OPRM1: variants seen among roughly 807,000 people sequenced by gnomAD.
The protein encoded by OPRM1 is opioid receptor mu 1.
In OPRM1, 27 loss-of-function variants were observed where a neutral mutation model predicts 31.8. The observed-to-expected ratio is 0.85, with a 90% CI of 0.63 to 1.17. The LOEUF is 1.17. Ranked by LOEUF, OPRM1 falls within the 50% of genes most tolerant of loss-of-function variation. The pLI, the probability that OPRM1 is intolerant of heterozygous loss-of-function variation, is 0.00. For synonymous variants in OPRM1, 196 were observed against 189.9 expected, an observed-to-expected ratio of 1.03 and a Z score of -0.26; for missense variants, 536 against 511.1, an observed-to-expected ratio of 1.05 and a Z score of -0.47.
chr6:154,204,572 C>T (rs1185111471), intron 3 of OPRM1, among the ~76,000 whole-genome samples: 1 of 152,162 alleles, frequency 6.6e-6, no homozygotes, highest in Non-Finnish European at 1.5e-5. Context: ...TAGTACACTC[C>T]TTCTCTGTCA....
chr6:154,110,318 G>C (rs1275866760), intron 3 of OPRM1: 3 of 1,016,588 alleles, frequency 3.0e-6, no homozygotes, highest in African/African-American at 1.6e-5. Context: ...ATTATAATTG[G>C]TACATTGTTC....
downstream of OPRM1, among the ~76,000 whole-genome samples, chr6:154,135,973 G>A (rs1583645480): frequency 6.6e-6 from 1 of 152,132 alleles, no homozygotes; most frequent in South Asian, 2.1e-4. Flanking sequence ...AACTTTGCTG[G>A]GCTTTACCTG....
rs1797872007 is a variant in OPRM1 at position 154,131,105 on chromosome 6, A to G, written c.*12384A>G. Among the ~76,000 whole-genome samples, 1 of 152,194 alleles carries G rather than the reference A, an allele frequency of 6.6e-6. No homozygotes were observed. Among genetic ancestry groups the G allele is most frequent in the South Asian group, 2.1e-4 (1 of 4,834 alleles). On this transcript the variant is annotated 3_prime_UTR_variant, in exon 4 of 4. Coordinates refer to ENST00000330432, the MANE Select transcript of OPRM1 (RefSeq NM_000914.5). ...ATTACATTTTTTTATAACATTAATG[A>G]CACATTTTTTGCTATCCAAATATAA...
Position 154,159,000 on chromosome 6 carries a change from C to T in OPRM1, c.1164+67528C>T, listed in dbSNP as rs192061298. The T allele has an allele frequency of 3.9e-5, 6 of 152,202 alleles. No individual in the cohort carries two copies. In the East Asian group the frequency reaches 1.2e-3, roughly 29 times the overall value. The allele number at this position is 152,202 out of a possible 1,614,324, so 9.4% of individuals were successfully genotyped here. A position where few individuals can be genotyped will look rare whatever the true frequency, so the allele number is the denominator to read the frequency against. ...ATCCTGGGAAACCTGGATATAAATT[C>T]ACACTATGTATAGGGATCACAGCCA... On this transcript the variant is annotated intron_variant, in intron 3 of 3. Coordinates refer to the OPRM1 transcript ENST00000337049.
rs916940292 is a variant in OPRM1 at position 154,168,605 on chromosome 6, TTTA to T, written c.1164+77142_1164+77144del. ...GAATTTTATTAATTAATTAATTAAT[TTTA>T]TTATTATTTTTTTTGAGACGGAGTT... On this transcript the variant is annotated intron_variant, in intron 3 of 3. Coordinates refer to the OPRM1 transcript ENST00000337049. The surrounding 1 kb of genome is among the most constrained non-coding windows in gnomAD (Gnocchi z 4.1). Among the ~76,000 whole-genome samples the T allele has an allele frequency of 2.6e-5, 4 of 152,066 alleles. No homozygotes were observed. The highest frequency in any genetic ancestry group is 9.6e-5 in the African/African-American group (4 of 41,454).
At chr6:154,243,891 G>C (rs983215054) in intron 3 of OPRM1, among the ~76,000 whole-genome samples, 3 of 152,104 alleles carry the variant, frequency 2.0e-5, no homozygotes, top group Admixed American at 2.0e-4. Flanking sequence ...GTGATTTTGA[G>C]GAGTAAATGA....
chr6:154,039,098 C>A, upstream of OPRM1: 1 of 1,478,864 alleles, frequency 6.8e-7, no homozygotes, highest in Non-Finnish European at 9.0e-7. Context: ...TCTTATTTTT[C>A]ACTGCTACCA....
rs374873684 is a variant in OPRM1, at chr6:154,091,783, T to C, written c.1164+311T>C. 5.6e-6 allele frequency: 6 copies of C among 1,064,402 alleles called. No individual in the cohort carries two copies. In the East Asian group the frequency reaches 2.1e-4, roughly 38 times the overall value. The allele number at this position is 1,064,402 out of a possible 1,614,324, so 65.9% of individuals were successfully genotyped here. ...TAGCACATTATAGAAATAATTCTGATCTAGAATCCTTTTCATTTTCCCCAG... is the reference window on the plus strand; with the variant it reads ...TAGCACATTATAGAAATAATTCTGACCTAGAATCCTTTTCATTTTCCCCAG... On this transcript the variant is annotated intron_variant, in intron 3 of 3. Transcript: ENST00000330432.
intron 1 of OPRM1, among the ~76,000 whole-genome samples, chr6:154,060,072 G>A (rs1457669520): frequency 3.9e-5 from 6 of 152,068 alleles, no homozygotes; most frequent in Admixed American, 3.9e-4. Context: ...AATAGTAACC[G>A]AGAAAAATTG....
intron 3 of OPRM1, among the ~76,000 whole-genome samples, chr6:154,163,420 A>G (rs1262888035): frequency 1.3e-5 from 2 of 152,186 alleles, no homozygotes; most frequent in African/African-American, 2.4e-5. Flanking sequence ...GAGGCCTTTC[A>G]TGTCCTTCCT....
At chr6:154,072,052 A>G (rs774119259) in intron 1 of OPRM1, among the ~76,000 whole-genome samples, 21 of 152,164 alleles carry the variant, frequency 1.4e-4, no homozygotes, top group Admixed American at 3.3e-4. Context: ...TCTTTCTCGC[A>G]ATTACTCAAC....
At chr6:154,010,853 G>T in exon 1 of OPRM1, 1 of 1,346,050 alleles carries the variant, frequency 7.4e-7, no homozygotes, top group Non-Finnish European at 9.6e-7. Context: ...GCAGCCCCTT[G>T]TTCTTGTGGT....
intron 3 of OPRM1, among the ~76,000 whole-genome samples, chr6:154,184,643 A>G (rs1801179090): frequency 1.3e-5 from 2 of 152,194 alleles, no homozygotes; most frequent in South Asian, 4.1e-4. Flanking sequence ...CATAGTGCCT[A>G]TAACAGATAT....
chr6:154,189,370 C>T (rs1801662137), intron 3 of OPRM1, among the ~76,000 whole-genome samples: 1 of 152,176 alleles, frequency 6.6e-6, no homozygotes, highest in African/African-American at 2.4e-5. Context: ...CCAGCAATTC[C>T]ATTTCCAGGT....
Position 154,129,779 on chromosome 6 carries a change from G to T in OPRM1, c.*11058G>T, listed in dbSNP as rs115853894. On this transcript the variant is annotated 3_prime_UTR_variant, in exon 4 of 4. Coordinates refer to ENST00000330432, the MANE Select transcript of OPRM1 (RefSeq NM_000914.5). ...TGTGATTTTTTTAAATGGCTGGTTT[G>T]GTTGAAGTTTCTCTTATCAGTCAGG... 0.013 allele frequency among the ~76,000 whole-genome samples: 2,016 copies of T among 150,880 alleles called. 49 individuals carry two copies. Among genetic ancestry groups the T allele is most frequent in the African/African-American group, 0.044 (1,806 of 40,990 alleles).
intron 3 of OPRM1, among the ~76,000 whole-genome samples, chr6:154,142,196 C>T (rs530594374): frequency 7.4e-6 from 1 of 134,826 alleles, no homozygotes. Flanking sequence ...CCCCACCCCA[C>T]CCCTCCAGGA....
intron 3 of OPRM1, among the ~76,000 whole-genome samples, chr6:154,103,413 T>G (rs1795148755): frequency 6.6e-6 from 1 of 152,234 alleles, no homozygotes; most frequent in Non-Finnish European, 1.5e-5. Context: ...AATTTTATTT[T>G]CTTAGAACAT....
At position 154,119,751 on chromosome 6, in the gene OPRM1, G is replaced by T. The variant is rs886941694; in HGVS notation, c.*1030G>T. On this transcript the variant is annotated 3_prime_UTR_variant, in exon 4 of 4. Coordinates refer to ENST00000330432, the MANE Select transcript of OPRM1 (RefSeq NM_000914.5). ...ATCCAATAAACATAATCTCAAGACA[G>T]ACTCATATGACCATACAGAAAAGTG... 6.6e-6 allele frequency among the ~76,000 whole-genome samples: 1 copy of T among 152,108 alleles called. No homozygotes were observed. The highest frequency in any genetic ancestry group is 1.5e-5 in the Non-Finnish European group (1 of 68,014).
At chr6:154,045,220 G>A (rs992153260) in intron 1 of OPRM1, among the ~76,000 whole-genome samples, 7 of 151,500 alleles carry the variant, frequency 4.6e-5, no homozygotes, top group South Asian at 2.1e-4. Context: ...GTGGGACTCC[G>A]ACTCAAACAA....
Sources: allele counts gnomAD v4.1 joint callset (sites outside exome capture counted in the v4.1 genomes callset), GRCh38; gene constraint gnomAD v4.1.1; non-coding constraint Gnocchi (gnomAD v3.1); transcripts MANE v1.5; gene names NCBI Gene and HGNC (gene_info 2026-07-23, HGNC 2026-07-21).